The following SAP130 variants were observed in gnomAD, a reference collection of about 807,000 sequenced individuals.
SAP130 encodes histone deacetylase complex subunit SAP130.
In SAP130, 16 loss-of-function variants were observed where a neutral mutation model predicts 103.2. The ratio of observed to expected loss-of-function variants is 0.16; its 90% CI spans 0.10 to 0.24. The LOEUF is 0.24. Among genes scored for constraint, SAP130 ranks in the 10% least tolerant of loss-of-function variants. The pLI, the probability that SAP130 is intolerant of heterozygous loss-of-function variation, is 1.00. For synonymous variants in SAP130, 477 were observed against 497.0 expected (o/e 0.96, Z 0.53); for missense variants, 990 against 1,359.7 (o/e 0.73, Z 4.28).
In SAP130 at chr2:127,949,852, T is replaced by C; in HGVS notation, c.2797+17A>G. 2 of 1,613,504 alleles carry C rather than the reference T, an allele frequency of 1.2e-6. No homozygotes were observed. Among genetic ancestry groups the C allele is most frequent in the Non-Finnish European group, 1.7e-6 (2 of 1,179,598 alleles). On this transcript the variant is annotated intron_variant, in intron 18 of 20. Transcript: ENST00000643581. ...CAATTTCATGCATTAATATCAAGTGTTTCTGGGGAAACTAACCTTTGACCC... is the reference window on the plus strand; with the variant it reads ...CAATTTCATGCATTAATATCAAGTGCTTCTGGGGAAACTAACCTTTGACCC...
At chr2:127,947,764 C>CTGTGTGTGTGAGAGTGTGTGTG (rs147211610) in intron 18 of SAP130, among the ~76,000 whole-genome samples, 16 of 143,422 alleles carry the variant, frequency 1.1e-4, no homozygotes, top group East Asian at 4.1e-4. Flanking sequence ...TTGTGTGTGT[C>CTGTGTGTGTGAGAGTGTGTGTG]TGTGTGTGTG....
chr2:128,026,157 A>G (rs777790523), intron 2 of SAP130, 24 bp downstream of exon 2: 6 of 1,455,564 alleles, frequency 4.1e-6, no homozygotes, highest in East Asian at 2.3e-5. Context: ...AGGAAAAAAT[A>G]TATTAGAATA....
intron 15 of SAP130, among the ~76,000 whole-genome samples, chr2:127,958,571 C>G (rs1406326499): frequency 6.6e-6 from 1 of 151,066 alleles, no homozygotes; most frequent in East Asian, 1.9e-4. Flanking sequence ...TAGAAGACAA[C>G]AGAGTAATAC....
chr2:127,960,110 T>C (rs754990175), intron 15 of SAP130, among the ~76,000 whole-genome samples: 20 of 152,180 alleles, frequency 1.3e-4, no homozygotes, highest in Non-Finnish European at 2.8e-4. Flanking sequence ...ATCTGAACAA[T>C]ATAGAGAAAA....
At chr2:127,974,645 C>T (rs910506291) in intron 15 of SAP130, among the ~76,000 whole-genome samples, 2 of 152,010 alleles carry the variant, frequency 1.3e-5, no homozygotes, top group Non-Finnish European at 2.9e-5. Context: ...GAAACCCTGT[C>T]TCTACTAAAA....
chr2:127,974,096 A>G (rs1681282078), intron 15 of SAP130, among the ~76,000 whole-genome samples: 1 of 152,152 alleles, frequency 6.6e-6, no homozygotes, highest in African/African-American at 2.4e-5. Flanking sequence ...TGCAGGTTCA[A>G]GCCATGAAGA....
At position 128,016,374 on chromosome 2, in the gene SAP130, A is replaced by G. The variant is rs1233519117; in HGVS notation, c.507+15T>C. 3.1e-6 allele frequency: 5 copies of G among 1,602,476 alleles called. No individual in the cohort carries two copies. In the African/African-American group the frequency reaches 6.7e-5, roughly 22 times the overall value. On this transcript the variant is annotated intron_variant, in intron 4 of 20. Transcript: ENST00000643581. ...ATTTCAGTTTGAAAATCAGCAAATT[A>G]AAAGGAAGAAAAACCTGTTGTCCAC...
chr2:127,964,754 T>C (rs921095468), intron 15 of SAP130, among the ~76,000 whole-genome samples: 1 of 151,984 alleles, frequency 6.6e-6, no homozygotes. Flanking sequence ...TGCCAACACT[T>C]TGAAGGCTGA....
At chr2:127,968,378 T>G (rs1680819479) in intron 15 of SAP130, among the ~76,000 whole-genome samples, 1 of 151,332 alleles carries the variant, frequency 6.6e-6, no homozygotes, top group Non-Finnish European at 1.5e-5. Context: ...CCCAAAGTGT[T>G]GAGATTACAG....
intron 15 of SAP130, among the ~76,000 whole-genome samples, chr2:127,957,340 A>G (rs1267576012): frequency 6.6e-6 from 1 of 152,204 alleles, no homozygotes; most frequent in African/African-American, 2.4e-5. Context: ...GGGAAAAAAA[A>G]GAAAAAACAC....
intron 2 of SAP130, among the ~76,000 whole-genome samples, chr2:128,024,026 C>G (rs982615109): frequency 7.2e-5 from 11 of 151,824 alleles, no homozygotes; most frequent in African/African-American, 2.4e-4. Flanking sequence ...ACAAGGAAGA[C>G]TATGGCAAAA....
At chr2:128,005,966 C>T (rs1356602047) in intron 7 of SAP130, among the ~76,000 whole-genome samples, 2 of 152,028 alleles carry the variant, frequency 1.3e-5, no homozygotes, top group African/African-American at 2.4e-5. Flanking sequence ...AAAAGGCACA[C>T]CATGTTTAGA....
At chr2:127,948,928 T>C (rs1679309555) in intron 18 of SAP130, among the ~76,000 whole-genome samples, 1 of 152,204 alleles carries the variant, frequency 6.6e-6, no homozygotes, top group African/African-American at 2.4e-5. Context: ...ATGGAATTCT[T>C]GTGGCATGAA....
intron 2 of SAP130, among the ~76,000 whole-genome samples, chr2:128,024,104 G>A (rs1054049034): frequency 6.6e-6 from 1 of 152,200 alleles, no homozygotes; most frequent in African/African-American, 2.4e-5. Flanking sequence ...TTAGAAATAT[G>A]AGTAGATACC....
intron 1 of SAP130, 148 bp downstream of exon 1, chr2:128,027,792 G>T: frequency 8.6e-6 from 4 of 462,690 alleles, no homozygotes; most frequent in Non-Finnish European, 1.1e-5. Flanking sequence ...TGACCAGCTC[G>T]CGAAAGAGCC....
rs540592832 is a variant in SAP130, at chr2:128,006,232, C to T, written c.869+4037G>A. 1.2e-3 allele frequency among the ~76,000 whole-genome samples: 187 copies of T among 152,222 alleles called. 1 individual carries two copies. The highest frequency in any genetic ancestry group is 2.2e-3 in the Non-Finnish European group (150 of 68,008). On this transcript the variant is annotated intron_variant, in intron 7 of 20. Transcript: ENST00000643581. ...CTAAGTATAAATGGGAAATGATTCTCAGCACGTAAACTTTCAAAATATTGG... is the reference window on the plus strand; with the variant it reads ...CTAAGTATAAATGGGAAATGATTCTTAGCACGTAAACTTTCAAAATATTGG...
intron 7 of SAP130, among the ~76,000 whole-genome samples, chr2:128,002,972 T>C (rs781510033): frequency 2.6e-5 from 4 of 151,510 alleles, no homozygotes; most frequent in Non-Finnish European, 5.9e-5. Context: ...ACTAAAAATA[T>C]AAAAATTAGC....
At chr2:127,943,602 G>GTTA (rs1426252151) in intron 19 of SAP130, among the ~76,000 whole-genome samples, 1 of 152,188 alleles carries the variant, frequency 6.6e-6, no homozygotes, top group Non-Finnish European at 1.5e-5. Flanking sequence ...GAAACACAGT[G>GTTA]TTAAGTATTT....
intron 18 of SAP130, among the ~76,000 whole-genome samples, chr2:127,948,050 A>C (rs1394388899): frequency 1.3e-5 from 2 of 152,148 alleles, no homozygotes; most frequent in East Asian, 3.9e-4. Flanking sequence ...TTGGCCTCCC[A>C]AAGTGCTGGG....
Sources: gnomAD v4.1 joint callset for allele counts (sites outside exome capture counted in the v4.1 genomes callset) on GRCh38, gnomAD v4.1.1 for gene constraint, MANE v1.5 for transcripts, NCBI Gene and HGNC (gene_info 2026-07-23, HGNC 2026-07-21) for gene names.